ZNF563: variants seen among roughly 807,000 people sequenced by gnomAD.
The protein encoded by ZNF563 is zinc finger protein 563.
A neutral mutation model predicts 48.5 loss-of-function variants in ZNF563; 39 were observed. The ratio of observed to expected loss-of-function variants is 0.80; its 90% CI spans 0.62 to 1.05. ZNF563 has a LOEUF of 1.05. Among genes scored for constraint, ZNF563 ranks in the 50% least tolerant of loss-of-function variants. ZNF563 has a pLI of 0.00. For synonymous variants in ZNF563, 168 were observed against 187.9 expected (o/e 0.89, Z 0.87); for missense variants, 538 against 597.0 (o/e 0.90, Z 1.03).
At chr19:12,335,133 G>A (rs1488259532), upstream of ZNF563, among the ~76,000 whole-genome samples, 10 of 152,064 alleles carry the variant, frequency 6.6e-5, no homozygotes, top group Admixed American at 6.6e-4. Context: ...AGGTGGCTGG[G>A]GCTCAGAAAA....
chr19:12,329,464 C>T (rs1480254244), intron 1 of ZNF563, among the ~76,000 whole-genome samples: 1 of 140,854 alleles, frequency 7.1e-6, no homozygotes, highest in Non-Finnish European at 1.5e-5. Flanking sequence ...CAGAGCAAGA[C>T]TCCATCTCAA....
chr19:12,324,699 A>G (rs1164215263), intron 1 of ZNF563, among the ~76,000 whole-genome samples: 2 of 149,560 alleles, frequency 1.3e-5, no homozygotes, highest in Non-Finnish European at 3.0e-5. Flanking sequence ...CCTGGTTGAC[A>G]AGAGCGAAAC....
chr19:12,333,515 C>A lies in ZNF563; in HGVS notation c.-33G>T. 1 of 1,613,288 alleles carries A rather than the reference C, an allele frequency of 6.2e-7. No individual in the cohort carries two copies. The highest frequency in any genetic ancestry group is 8.5e-7 in the Non-Finnish European group (1 of 1,179,640). On this transcript the variant is annotated 5_prime_UTR_variant, in exon 1 of 4. It adds an upstream start codon to the 5' untranslated region. Coordinates refer to ENST00000293725, the MANE Select transcript of ZNF563 (RefSeq NM_145276.3). ...CTTCCGGGATGTTCCAGGGTCCTCC[C>A]TCTGCCTCCCGCTGCCAGTGCGGGT...
intron 1 of ZNF563, among the ~76,000 whole-genome samples, chr19:12,324,285 G>A (rs1968713293): frequency 6.6e-6 from 1 of 152,116 alleles, no homozygotes. Context: ...CCTGAGCCCA[G>A]GATGTGAAGA....
Position 12,318,695 on chromosome 19 carries a change from T to C in ZNF563, c.1330A>G (p.Thr444Ala). 6.2e-7 allele frequency: 1 copy of C among 1,614,232 alleles called. No individual in the cohort carries two copies. The highest frequency in any genetic ancestry group is 8.5e-7 in the Non-Finnish European group (1 of 1,180,036). Residue 444 changes from threonine to alanine, a missense_variant, in exon 4 of 4, where the codon ACG (threonine) becomes GCG (alanine). Physicochemically the swap from Thr to Ala is moderately conservative, Grantham distance 58. Transcript: ENST00000293725. ...TTGCATTTATTCGGCCCATCTCCCG[T>C]ATGCATTACCATATGTCTTCGAAAG... Reference protein sequence around the residue: ...SSFRRHMVMHTGDGPNKCKVC... With the variant: ...SSFRRHMVMHAGDGPNKCKVC...
Position 12,333,577 on chromosome 19 carries a change from C to A in ZNF563, c.-95G>T, listed in dbSNP as rs1186277626. 9.7e-6 allele frequency: 15 copies of A among 1,549,022 alleles called. No homozygotes were observed. The highest frequency in any genetic ancestry group is 2.3e-5 in the East Asian group (1 of 43,570). ...AGAGGCTGCCACAGACGTTCCAGGG[C>A]GTCTCTCAGCGACTGAGGCTACACA... On this transcript the variant is annotated 5_prime_UTR_variant, in exon 1 of 4. Transcript: ENST00000293725.
rs1006141878 is a variant in ZNF563, at chr19:12,319,975, G to A, written c.192-142C>T. 13 of 759,178 alleles carry A rather than the reference G, an allele frequency of 1.7e-5. 1 individual carries two copies. Among genetic ancestry groups the A allele is most frequent in the Admixed American group, 6.0e-5 (2 of 33,356 alleles). 47.0% of individuals were successfully genotyped at this position (759,178 alleles called of 1,614,324 possible). ...TCTGTCACCCAGGCTAGAGTGCAGC[G>A]GCACGATCTCGGCTCACTGCAATCT... On this transcript the variant is annotated intron_variant, in intron 3 of 3. Transcript: ENST00000293725.
chr19:12,336,536 G>A (rs1969022792), upstream of ZNF563, among the ~76,000 whole-genome samples: 2 of 152,338 alleles, frequency 1.3e-5, no homozygotes, highest in South Asian at 4.1e-4. Context: ...AGGTTGTGGT[G>A]AGCTAAGATC....
the ZNF563 span, among the ~76,000 whole-genome samples, chr19:12,340,284 A>C: frequency 1.3e-5 from 2 of 152,212 alleles, no homozygotes; most frequent in South Asian, 4.1e-4. Flanking sequence ...CAGTGAGCCG[A>C]GATCATGCCA....
chr19:12,331,986 C>T lies in ZNF563; in HGVS notation c.3+1494G>A, dbSNP rs1296718708. Among the ~76,000 whole-genome samples the T allele has an allele frequency of 3.9e-5, 6 of 152,176 alleles. No homozygotes were observed. The East Asian group carries it at 7.7e-4, about 20-fold the overall frequency. Reference sequence around the variant, plus strand: ...CAGGTGGTTATTCTCTGCATCCTCACATATGAAATATTCACAAACAAAAAT... The same window carrying T: ...CAGGTGGTTATTCTCTGCATCCTCATATATGAAATATTCACAAACAAAAAT... On this transcript the variant is annotated intron_variant, in intron 1 of 3. Transcript: ENST00000293725.
intron 1 of ZNF563, among the ~76,000 whole-genome samples, chr19:12,326,831 GA>G (rs900616594): frequency 7.2e-5 from 11 of 152,058 alleles, no homozygotes; most frequent in Admixed American, 3.3e-4. Context: ...ATTAAATGAA[GA>G]CATAAAAAAT....
upstream of ZNF563, among the ~76,000 whole-genome samples, chr19:12,335,966 ACAT>A (rs1291474014): frequency 1.3e-5 from 2 of 152,196 alleles, no homozygotes; most frequent in African/African-American, 4.8e-5. Context: ...ATTCAGCAAA[ACAT>A]CAGAGGGCAA....
chr19:12,328,626 C>T (rs182677460), intron 1 of ZNF563, among the ~76,000 whole-genome samples: 3 of 151,914 alleles, frequency 2.0e-5, no homozygotes, highest in Non-Finnish European at 4.4e-5. Context: ...TACAAATAGC[C>T]GGGCATGGTG....
upstream of ZNF563, among the ~76,000 whole-genome samples, chr19:12,334,173 C>T (rs1968989077): frequency 6.6e-6 from 1 of 152,036 alleles, no homozygotes; most frequent in Admixed American, 6.5e-5. Context: ...TCAATCTGCT[C>T]ATTTTCAGCC....
upstream of ZNF563, among the ~76,000 whole-genome samples, chr19:12,337,866 G>A (rs1304122579): frequency 6.6e-6 from 1 of 152,190 alleles, no homozygotes; most frequent in Non-Finnish European, 1.5e-5. Flanking sequence ...TCCGCCCTTT[G>A]AGAGGCCAAG....
chr19:12,318,790 T>C lies in ZNF563; in HGVS notation c.1235A>G (p.Glu412Gly). The C allele has an allele frequency of 1.2e-6, 2 of 1,614,224 alleles. No homozygotes were observed. The highest frequency in any genetic ancestry group is 1.6e-4 in the Middle Eastern group (1 of 6,062). Reference sequence around the variant, plus strand: ...GGGTTTCTCTCCACTGTGAGACTTTTCGTGTCTTTGACATACACTAGGATA... The same window carrying C: ...GGGTTTCTCTCCACTGTGAGACTTTCCGTGTCTTTGACATACACTAGGATA... Reference protein sequence around the residue: ...FVYPSVCQRHEKSHSGEKPYE... With the variant: ...FVYPSVCQRHGKSHSGEKPYE... The change falls in exon 4 of 4, where the codon GAA becomes GGA. Residue 412 changes from glutamate (E) to glycine (G), a missense_variant. Physicochemically the swap from Glu to Gly is moderately conservative, Grantham distance 98 (BLOSUM62 -2). Transcript: ENST00000293725.
At chr19:12,338,759 G>A in the ZNF563 span, among the ~76,000 whole-genome samples, 1 of 152,120 alleles carries the variant, frequency 6.6e-6, no homozygotes, top group Non-Finnish European at 1.5e-5. Flanking sequence ...GGCTGAGGCA[G>A]GAGAATCGCT....
the ZNF563 span, among the ~76,000 whole-genome samples, chr19:12,343,702 T>G: frequency 6.6e-6 from 1 of 151,920 alleles, no homozygotes; most frequent in East Asian, 1.9e-4. Context: ...AGAATATCTT[T>G]TATGAATATT....
At chr19:12,340,050 T>C in the ZNF563 span, among the ~76,000 whole-genome samples, 1 of 152,182 alleles carries the variant, frequency 6.6e-6, no homozygotes, top group East Asian at 1.9e-4. Flanking sequence ...GAAAAATAAA[T>C]GTGGCCAGGT....
Sources: gnomAD v4.1 joint callset for allele counts (sites outside exome capture counted in the v4.1 genomes callset) on GRCh38, gnomAD v4.1.1 for gene constraint, MANE v1.5 for transcripts, NCBI Gene and HGNC (gene_info 2026-07-23, HGNC 2026-07-21) for gene names.